Variants in NEDD8 observed in about 807,000 individuals in gnomAD.
NEDD8 encodes ubiquitin-like protein NEDD8.
Under a neutral mutation model 13.8 loss-of-function variants are expected in NEDD8, and 1 was observed. The observed-to-expected ratio is 0.07, with a 90% CI of 0.03 to 0.34. The LOEUF is 0.34. Ranked by LOEUF, NEDD8 falls within the 10% of genes least tolerant of loss-of-function variation. NEDD8 has a pLI of 0.99. For missense variants in NEDD8, 10 were observed against 95.2 expected (o/e 0.10, Z 3.73); for synonymous variants, 31 against 33.2 (o/e 0.93, Z 0.23).
Position 24,230,479 on chromosome 14 carries a change from G to A in NEDD8, c.18+1771C>T, listed in dbSNP as rs536973029. ...GAACCCGGGAGGCGAAGCTTGCAGT[G>A]AGCCGAGATGGCGCCACTGCACTCC... On this transcript the variant is annotated intron_variant, in intron 1 of 3. Coordinates refer to ENST00000250495, the MANE Select transcript of NEDD8 (RefSeq NM_006156.3). 1.6e-3 allele frequency among the ~76,000 whole-genome samples: 216 copies of A among 131,048 alleles called. 1 individual carries two copies. Among genetic ancestry groups the A allele is most frequent in the African/African-American group, 6.1e-3 (212 of 34,912 alleles). The allele number at this position is 131,048 out of a possible 152,430, so 86.0% of individuals were successfully genotyped here.
chr14:24,218,525 C>A, intron 1 of NEDD8, 94 bp from the exon 2 acceptor site: 1 of 1,564,746 alleles, frequency 6.4e-7, no homozygotes. Flanking sequence ...GGATCTACTG[C>A]CTTCTAAAAG....
intron 1 of NEDD8, 162 bp downstream of exon 1, chr14:24,232,088 T>C: frequency 2.6e-6 from 3 of 1,149,718 alleles, no homozygotes; most frequent in Non-Finnish European, 3.7e-6. Context: ...CTCAAAGCCC[T>C]TCTGGGTCCC....
intron 1 of NEDD8, among the ~76,000 whole-genome samples, chr14:24,226,072 A>G (rs974475011): frequency 6.6e-6 from 1 of 151,232 alleles, no homozygotes; most frequent in Non-Finnish European, 1.5e-5. Context: ...TAAACCTAAC[A>G]TACTGCCCTA....
At chr14:24,226,630 A>G (rs2039896140) in intron 1 of NEDD8, 1 of 152,198 alleles carries the variant, frequency 6.6e-6, no homozygotes, top group African/African-American at 2.4e-5. Flanking sequence ...GTTTTAATTT[A>G]TATAACATTA....
chr14:24,219,475 CAAAAAAAAAA>C (rs59964484), intron 1 of NEDD8, among the ~76,000 whole-genome samples: 4 of 33,368 alleles, frequency 1.2e-4, no homozygotes, highest in African/African-American at 1.2e-4. Flanking sequence ...AACACCCTCG[CAAAAAAAAAA>C]AAAAAAAAAA....
At chr14:24,232,006 T>C (rs1300369657) in intron 1 of NEDD8, 13 of 555,218 alleles carry the variant, frequency 2.3e-5, no homozygotes, top group South Asian at 1.5e-4. Flanking sequence ...TTCTGGGTGA[T>C]AGCACAGTCC....
At chr14:24,227,426 A>C (rs1566668727) in intron 1 of NEDD8, 2 of 152,228 alleles carry the variant, frequency 1.3e-5, no homozygotes, top group Non-Finnish European at 2.9e-5. Flanking sequence ...TTTAGAGGGG[A>C]TATGACGGTA....
chr14:24,221,630 T>C (rs2039811775), intron 1 of NEDD8, among the ~76,000 whole-genome samples: 1 of 151,830 alleles, frequency 6.6e-6, no homozygotes, highest in South Asian at 2.1e-4. Context: ...AGTTTTACTC[T>C]TGCTGCCCAG....
intron 1 of NEDD8, among the ~76,000 whole-genome samples, chr14:24,231,495 G>T (rs1196022290): frequency 5.2e-5 from 3 of 58,244 alleles, no homozygotes; most frequent in East Asian, 9.4e-4. Flanking sequence ...AGGGGGGCGT[G>T]GGGGGGGGGG....
chr14:24,229,069 A>G (rs1007112711), intron 1 of NEDD8, among the ~76,000 whole-genome samples: 5 of 152,116 alleles, frequency 3.3e-5, no homozygotes, highest in Non-Finnish European at 5.9e-5. Context: ...CAGACATTCA[A>G]TATCACCTGG....
intron 1 of NEDD8, among the ~76,000 whole-genome samples, chr14:24,230,814 C>T (rs1017731898): frequency 1.3e-5 from 2 of 151,996 alleles, no homozygotes; most frequent in African/African-American, 4.8e-5. Context: ...GGCGGGGTTT[C>T]ACCATGTTGG....
rs1171477595 is a variant in NEDD8 at position 24,228,299 on chromosome 14, A to T, written c.18+3951T>A. 3 of 151,948 alleles carry T rather than the reference A, an allele frequency of 2.0e-5. No individual in the cohort carries two copies. In the East Asian group the frequency reaches 5.8e-4, roughly 29 times the overall value. The allele number at this position is 151,948 out of a possible 1,614,324, so 9.4% of individuals were successfully genotyped here. A position where few individuals can be genotyped will look rare whatever the true frequency, so the allele number is the denominator to read the frequency against. ...TCCCAGCTACTTGGGAGGCTGAGGC[A>T]GGAGCATCGCTTGAACCCAAGAGGC... On this transcript the variant is annotated intron_variant, in intron 1 of 3. Coordinates refer to ENST00000250495, the MANE Select transcript of NEDD8 (RefSeq NM_006156.3).
At chr14:24,223,836 G>C (rs1396778899) in intron 1 of NEDD8, among the ~76,000 whole-genome samples, 1 of 151,940 alleles carries the variant, frequency 6.6e-6, no homozygotes, top group African/African-American at 2.4e-5. Flanking sequence ...CCAGGCTCAA[G>C]CAATTCTCCT....
intron 1 of NEDD8, among the ~76,000 whole-genome samples, chr14:24,229,540 TGCAGGTCTCAACCCATCAGTGG>T (rs972883717): frequency 4.6e-5 from 7 of 152,108 alleles, no homozygotes; most frequent in Admixed American, 1.3e-4. Flanking sequence ...CTTTTTAAAC[TGCAGGTCTCAACCCATCAGTGG>T]GCAGGTCTCA....
Position 24,218,392 on chromosome 14 carries a change from T to C in NEDD8, c.58A>G (p.Thr20Ala). ...GKEIEIDIEPTDKVERIKERV... is the reference protein window; with the variant it reads ...GKEIEIDIEPADKVERIKERV... ...AGTTGGGCATGCATCACCTTGTCTGTAGGTTCAATGTCAATCTCAATCTCC... is the reference window on the plus strand; with the variant it reads ...AGTTGGGCATGCATCACCTTGTCTGCAGGTTCAATGTCAATCTCAATCTCC... Residue 20 changes from threonine (T) to alanine (A), a missense_variant, in exon 2 of 4, where the codon ACA (threonine) becomes GCA (alanine). Coordinates refer to ENST00000250495, the MANE Select transcript of NEDD8 (RefSeq NM_006156.3). 2.5e-6 allele frequency: 4 copies of C among 1,614,224 alleles called. No individual in the cohort carries two copies. The highest frequency in any genetic ancestry group is 3.4e-6 in the Non-Finnish European group (4 of 1,180,040).
At chr14:24,226,445 C>CAAAAAA (rs34325177) in intron 1 of NEDD8, among the ~76,000 whole-genome samples, 2 of 109,296 alleles carry the variant, frequency 1.8e-5, no homozygotes, top group African/African-American at 3.4e-5. Context: ...GACTCCATCT[C>CAAAAAA]AAAAAAAAAA....
Position 24,218,380 on chromosome 14 carries a change from T to TC in NEDD8, c.66+3dup, listed in dbSNP as rs1220509221. ...TACATGAAGAGGAGTTGGGCATGCA[T>TC]CACCTTGTCTGTAGGTTCAATGTCA... is the stretch of plus-strand genomic sequence containing the variant. On this transcript the variant is annotated splice_donor_region_variant and intron_variant, in intron 2 of 3. Transcript: ENST00000250495. The TC allele has an allele frequency of 6.2e-7, 1 of 1,614,196 alleles. No individual in the cohort carries two copies. Among genetic ancestry groups the TC allele is most frequent in the Non-Finnish European group, 8.5e-7 (1 of 1,180,040 alleles).
intron 2 of NEDD8, 24 bp from the exon 3 acceptor site, chr14:24,218,239 G>A (rs374582939): frequency 9.9e-6 from 16 of 1,613,980 alleles, no homozygotes; most frequent in Admixed American, 1.7e-5. Context: ...AGTAGTCAGG[G>A]GCTGCTGCTT....
chr14:24,224,129 C>CT (rs1183515596), intron 1 of NEDD8, among the ~76,000 whole-genome samples: 1 of 152,182 alleles, frequency 6.6e-6, no homozygotes, highest in African/African-American at 2.4e-5. Context: ...CGGGTTTTCA[C>CT]TGTGTTAGCC....
Sources: gnomAD v4.1 joint callset for allele counts (sites outside exome capture counted in the v4.1 genomes callset) on GRCh38, gnomAD v4.1.1 for gene constraint, MANE v1.5 for transcripts, NCBI Gene and HGNC (gene_info 2026-07-23, HGNC 2026-07-21) for gene names.